FHIP1A: variants seen among roughly 807,000 people sequenced by gnomAD.
The protein encoded by FHIP1A is FHF complex subunit HOOK interacting protein 1A.
In FHIP1A, 61 loss-of-function variants were observed where a neutral mutation model predicts 88.6. That is an observed-to-expected ratio of 0.69 (90% CI 0.56 to 0.85). FHIP1A has a LOEUF of 0.85. Among genes scored for constraint, FHIP1A ranks in the 40% least tolerant of loss-of-function variants. The pLI is 0.00. For synonymous variants in FHIP1A, 478 were observed against 496.0 expected (o/e 0.96, Z 0.48); for missense variants, 1,154 against 1,273.5 (o/e 0.91, Z 1.43).
intron 5 of FHIP1A, among the ~76,000 whole-genome samples, chr4:151,585,440 A>G (rs1261904035): frequency 1.3e-5 from 2 of 152,094 alleles, no homozygotes; most frequent in African/African-American, 4.8e-5. Flanking sequence ...CAGCTCCCCA[A>G]AATGCTGGGA....
rs557580657 is a variant in FHIP1A at position 151,586,583 on chromosome 4, T to G, written c.733-58T>G. ...AGCATTGGCATCACCTGTGAGCTGT[T>G]AATTGCAGGTTGAGAACTTTGGAAA... On this transcript the variant is annotated intron_variant, in intron 5 of 13. Transcript: ENST00000435205. 3 of 1,395,376 alleles carry G rather than the reference T, an allele frequency of 2.1e-6. No homozygotes were observed. The African/African-American group carries it at 4.3e-5, about 20-fold the overall frequency. 86.4% of individuals were successfully genotyped at this position (1,395,376 alleles called of 1,614,324 possible).
chr4:151,530,361 G>A (rs536234010), intron 3 of FHIP1A, among the ~76,000 whole-genome samples: 12 of 152,148 alleles, frequency 7.9e-5, no homozygotes, highest in Non-Finnish European at 1.5e-4. Context: ...CACATGGTAG[G>A]CATACGATTC....
chr4:151,540,054 C>A (rs1282537012), intron 3 of FHIP1A, among the ~76,000 whole-genome samples: 1 of 152,200 alleles, frequency 6.6e-6, no homozygotes, highest in African/African-American at 2.4e-5. Context: ...ACAACTTTGA[C>A]CTTCAATCAG....
intron 13 of FHIP1A, among the ~76,000 whole-genome samples, chr4:151,661,412 T>G (rs1737452585): frequency 6.6e-6 from 1 of 151,428 alleles, no homozygotes; most frequent in Non-Finnish European, 1.5e-5. Flanking sequence ...GAAGTTGTTT[T>G]TTTTTTTTTT....
chr4:151,519,957 G>A (rs1371397991), intron 3 of FHIP1A, among the ~76,000 whole-genome samples: 1 of 152,078 alleles, frequency 6.6e-6, no homozygotes, highest in Non-Finnish European at 1.5e-5. Context: ...ACTGGGTTGA[G>A]CTGTTAAGAG....
At chr4:151,451,811 T>C (rs1479936016) in intron 1 of FHIP1A, among the ~76,000 whole-genome samples, 5 of 151,326 alleles carry the variant, frequency 3.3e-5, no homozygotes, top group Middle Eastern at 3.4e-3. Context: ...TCTTTCTTTT[T>C]TTTCTTTCTT....
intron 3 of FHIP1A, among the ~76,000 whole-genome samples, chr4:151,508,125 A>AG (rs1730898661): frequency 6.6e-6 from 1 of 152,242 alleles, no homozygotes; most frequent in South Asian, 2.1e-4. Context: ...AGATGGAACT[A>AG]GGTAGATAAA....
At chr4:151,637,904 A>G (rs950356108) in intron 8 of FHIP1A, among the ~76,000 whole-genome samples, 1 of 152,164 alleles carries the variant, frequency 6.6e-6, no homozygotes, top group Non-Finnish European at 1.5e-5. Flanking sequence ...ACCTGCCTAG[A>G]AGACAGACTA....
At chr4:151,579,787 T>C (rs1733953243) in intron 5 of FHIP1A, among the ~76,000 whole-genome samples, 1 of 152,196 alleles carries the variant, frequency 6.6e-6, no homozygotes, top group South Asian at 2.1e-4. Flanking sequence ...TTTTAAAAAG[T>C]TTTTATTATG....
At chr4:151,544,461 A>G (rs1732410377) in intron 3 of FHIP1A, among the ~76,000 whole-genome samples, 1 of 152,132 alleles carries the variant, frequency 6.6e-6, no homozygotes, top group Non-Finnish European at 1.5e-5. Context: ...TAACCTCACC[A>G]AACAGTCCAA....
intron 3 of FHIP1A, among the ~76,000 whole-genome samples, chr4:151,527,752 G>A (rs1310204473): frequency 6.6e-6 from 1 of 152,270 alleles, no homozygotes; most frequent in East Asian, 1.9e-4. Flanking sequence ...ATAAACCATA[G>A]TTCTTTTGAT....
intron 3 of FHIP1A, among the ~76,000 whole-genome samples, chr4:151,514,269 C>T (rs1560741115): frequency 6.6e-6 from 1 of 152,034 alleles, no homozygotes; most frequent in African/African-American, 2.4e-5. Context: ...AACAAAGACA[C>T]AGCATACCAG....
chr4:151,487,125 T>C (rs544464356), intron 3 of FHIP1A, among the ~76,000 whole-genome samples: 4 of 152,296 alleles, frequency 2.6e-5, no homozygotes, highest in South Asian at 2.1e-4. Context: ...CTTAAAACAC[T>C]ATTCTAGGGA....
intron 13 of FHIP1A, among the ~76,000 whole-genome samples, chr4:151,661,768 T>C (rs1560828866): frequency 6.6e-6 from 1 of 152,346 alleles, no homozygotes; most frequent in Non-Finnish European, 1.5e-5. Flanking sequence ...ATCTTAAGCC[T>C]ATGTTATTGA....
intron 1 of FHIP1A, among the ~76,000 whole-genome samples, chr4:151,429,022 T>G (rs1733491758): frequency 6.6e-6 from 1 of 152,186 alleles, no homozygotes. Flanking sequence ...ATTTATATGC[T>G]TACATAAATT....
intron 3 of FHIP1A, among the ~76,000 whole-genome samples, chr4:151,488,206 T>G (rs1303598603): frequency 6.6e-6 from 1 of 152,232 alleles, no homozygotes; most frequent in Non-Finnish European, 1.5e-5. Flanking sequence ...TTTATCCATA[T>G]GTGCAGGTTT....
At chr4:151,603,313 A>G (rs1734944389) in intron 7 of FHIP1A, among the ~76,000 whole-genome samples, 1 of 143,080 alleles carries the variant, frequency 7.0e-6, no homozygotes, top group Non-Finnish European at 1.5e-5. Flanking sequence ...ACTCCGTCTG[A>G]AAAAAAAAAA....
chr4:151,410,323 GAGA>G (rs953422203), intron 1 of FHIP1A, among the ~76,000 whole-genome samples: 8 of 152,092 alleles, frequency 5.3e-5, no homozygotes, highest in Admixed American at 2.0e-4. Context: ...GCCAAATGTT[GAGA>G]AGGAGAGACA....
At position 151,646,650 on chromosome 4, in the gene FHIP1A, C is replaced by T. The variant is rs1736806675; in HGVS notation, c.1319C>T (p.Ala440Val). ...CYSVSAAKLLALTPVCCSSGI... is the reference protein window; with the variant it reads ...CYSVSAAKLLVLTPVCCSSGI... ...TCTGTTTCTGCGGCCAAGCTTCTCG[C>T]CTTGACTCCTGTCTGCTGCTCCAGC... The change falls in exon 10 of 14, where the codon GCC (alanine) becomes GTC (valine). Residue 440 changes from alanine (A) to valine (V), a missense_variant. By Grantham distance (64) the Ala-to-Val change is moderately conservative (BLOSUM62 0). Transcript: ENST00000435205. The T allele has an allele frequency of 1.3e-6, 2 of 1,551,532 alleles. No homozygotes were observed. Among genetic ancestry groups the T allele is most frequent in the Non-Finnish European group, 1.7e-6 (2 of 1,146,854 alleles).
Sources: gnomAD v4.1 joint callset for allele counts (sites outside exome capture counted in the v4.1 genomes callset) on GRCh38, gnomAD v4.1.1 for gene constraint, MANE v1.5 for transcripts, NCBI Gene and HGNC (gene_info 2026-07-23, HGNC 2026-07-21) for gene names.